The following CRYBG3 variants were observed in gnomAD, a reference collection of about 807,000 sequenced individuals.
The protein encoded by CRYBG3 is very large A-kinase anchor protein.
A neutral mutation model predicts 244.2 loss-of-function variants in CRYBG3; 127 were observed. That is an observed-to-expected ratio of 0.52 (90% CI 0.45 to 0.60). The LOEUF (loss-of-function observed/expected upper bound fraction) is 0.60. CRYBG3 is among the 20% of genes least tolerant of loss of function. CRYBG3 has a pLI of 0.00. For missense variants in CRYBG3, 3,325 were observed against 3,442.5 expected, an observed-to-expected ratio of 0.97 and a Z score of 0.85; for synonymous variants, 1,132 against 1,195.8, an observed-to-expected ratio of 0.95 and a Z score of 1.10.
rs1466203631 is a variant in CRYBG3 at position 97,941,257 on chromosome 3, GAAAGAATACTC to G, written c.8617_8627del (p.Lys2873AspfsTer10). The G allele has an allele frequency of 6.2e-7, 1 of 1,611,354 alleles. No homozygotes were observed. Among genetic ancestry groups the G allele is most frequent in the East Asian group, 2.2e-5 (1 of 44,806 alleles). ...TCTGTGTGCATTTCTCCCTATAGTG[GAAAGAATACTC>G]AGATCTGGTACTACTGCCGAGGACT... On this transcript the variant is annotated frameshift_variant, in exon 20 of 22. Coordinates refer to ENST00000389622, the MANE Select transcript of CRYBG3 (RefSeq NM_153605.4). LOFTEE classifies it high-confidence loss of function.
intron 19 of CRYBG3, among the ~76,000 whole-genome samples, chr3:97,938,412 G>A (rs1350484196): frequency 6.6e-6 from 1 of 151,998 alleles, no homozygotes; most frequent in Non-Finnish European, 1.5e-5. Context: ...ATAGCCTAGT[G>A]GATCTAAATG....
At chr3:97,896,968 G>A (rs1026698621) in intron 12 of CRYBG3, among the ~76,000 whole-genome samples, 2 of 151,984 alleles carry the variant, frequency 1.3e-5, no homozygotes, top group Admixed American at 1.3e-4. Context: ...GCCATATTGA[G>A]TAGTTATTTT....
At chr3:97,900,759 C>T (rs549065654) in intron 15 of CRYBG3, among the ~76,000 whole-genome samples, 23 of 152,266 alleles carry the variant, frequency 1.5e-4, no homozygotes, top group African/African-American at 5.5e-4. Flanking sequence ...CTCTTTCTTT[C>T]CCATCGTCCA....
At chr3:97,852,665 C>G (rs2039003290) in intron 2 of CRYBG3, among the ~76,000 whole-genome samples, 1 of 152,146 alleles carries the variant, frequency 6.6e-6, no homozygotes, top group African/African-American at 2.4e-5. Context: ...CTTTGACATA[C>G]TGATTTCCTT....
intron 2 of CRYBG3, among the ~76,000 whole-genome samples, chr3:97,858,844 A>C (rs369323813): frequency 7.3e-4 from 111 of 151,850 alleles, no homozygotes; most frequent in African/African-American, 2.4e-3. Flanking sequence ...GTTACTGGAG[A>C]ATTACTGTAT....
At position 97,871,988 on chromosome 3, in the gene CRYBG3, C is replaced by G. The variant is rs544886176; in HGVS notation, c.794C>G (p.Thr265Arg). Residue 265 changes from threonine (T) to arginine (R), a missense_variant, in exon 4 of 22, where the codon ACA becomes AGA. Thr to Arg is a moderately conservative substitution (Grantham distance 71). This residue lies in a region of CRYBG3 where 1,526 missense variants were observed against 1,443.2 expected (regional missense o/e 1.06). Transcript: ENST00000389622. ...DRENESSDSS[T>R]NRHIDPGSEI... ...GAAAATGAAAGTTCTGACTCTAGTA[C>G]AAACAGACACATTGACCCTGGAAGT... The G allele has an allele frequency of 4.6e-6, 7 of 1,535,828 alleles. No homozygotes were observed. In the East Asian group the frequency reaches 1.5e-4, roughly 32 times the overall value.
Position 97,943,546 on chromosome 3 carries a change from G to C in CRYBG3, c.*232G>C. 1 of 457,614 alleles carries C rather than the reference G, an allele frequency of 2.2e-6. No individual in the cohort carries two copies. The highest frequency in any genetic ancestry group is 3.8e-6 in the Non-Finnish European group (1 of 261,802). 28.3% of individuals were successfully genotyped at this position (457,614 alleles called of 1,614,324 possible). On this transcript the variant is annotated 3_prime_UTR_variant, in exon 22 of 22. Coordinates refer to ENST00000389622, the MANE Select transcript of CRYBG3 (RefSeq NM_153605.4). ...GAAAATATTATGATATCTTGGAAAG[G>C]TTCTATTCCTGATCTCCAGCTGTGG...
At chr3:97,923,103 C>T (rs913537546) in intron 17 of CRYBG3, among the ~76,000 whole-genome samples, 2 of 152,106 alleles carry the variant, frequency 1.3e-5, no homozygotes, top group Non-Finnish European at 2.9e-5. Flanking sequence ...GAACCAAACA[C>T]CACATGTTCT....
At chr3:97,835,539 G>A (rs969012403) in intron 1 of CRYBG3, among the ~76,000 whole-genome samples, 3 of 152,096 alleles carry the variant, frequency 2.0e-5, no homozygotes, top group African/African-American at 7.2e-5. Context: ...GGAGGAGTGG[G>A]TGTTAGTAAC....
intron 3 of CRYBG3, among the ~76,000 whole-genome samples, chr3:97,868,081 A>G (rs1388984886): frequency 3.9e-5 from 6 of 152,116 alleles, no homozygotes; most frequent in Non-Finnish European, 8.8e-5. Flanking sequence ...CAGGAGATCG[A>G]GACCATCCTG....
chr3:97,917,456 A>G (rs2039940328), intron 17 of CRYBG3, among the ~76,000 whole-genome samples: 1 of 152,130 alleles, frequency 6.6e-6, no homozygotes, highest in South Asian at 2.1e-4. Flanking sequence ...CATTCATAAT[A>G]TACTGAAAAT....
chr3:97,910,269 G>A (rs1332635080), intron 15 of CRYBG3, among the ~76,000 whole-genome samples: 1 of 151,402 alleles, frequency 6.6e-6, no homozygotes, highest in East Asian at 2.0e-4. Flanking sequence ...GCTGTGGTGG[G>A]CTCCACCCAG....
rs1330919804 is a variant in CRYBG3, at chr3:97,941,340, C to A, written c.8664+34C>A. 4.7e-6 allele frequency: 7 copies of A among 1,497,622 alleles called. No homozygotes were observed. In the African/African-American group the frequency reaches 5.6e-5, roughly 12 times the overall value. 92.8% of individuals were successfully genotyped at this position (1,497,622 alleles called of 1,614,324 possible). A position where few individuals can be genotyped will look rare whatever the true frequency, so the allele number is the denominator to read the frequency against. On this transcript the variant is annotated intron_variant, in intron 20 of 21. Transcript: ENST00000389622. ...TCCCACTGATACAGTATGCCACTTT[C>A]TGGTCTGTTTTTTATTTTGAAAACT...
chr3:97,898,759 A>G (rs2039667891), intron 12 of CRYBG3, 124 bp from the exon 13 acceptor site: 5 of 622,948 alleles, frequency 8.0e-6, no homozygotes, highest in Admixed American at 3.7e-5. Context: ...AGGGCCATCT[A>G]AAATTCTTCC....
At chr3:97,847,883 A>G (rs2038926128) in intron 2 of CRYBG3, among the ~76,000 whole-genome samples, 1 of 152,224 alleles carries the variant, frequency 6.6e-6, no homozygotes, top group South Asian at 2.1e-4. Flanking sequence ...CTTACTGCAT[A>G]TCAATATCAG....
In CRYBG3 at chr3:97,881,047, C is replaced by A. The variant is rs370865987; in HGVS notation, c.7005-25C>A. ...ATTTCTTAGAAAATTAAATATAACTCATCATTGCATTTCTCTTTGTTTAGC... is the reference window on the plus strand; with the variant it reads ...ATTTCTTAGAAAATTAAATATAACTAATCATTGCATTTCTCTTTGTTTAGC... On this transcript the variant is annotated intron_variant, in intron 6 of 21. Transcript: ENST00000389622. 142 of 1,540,998 alleles carry A rather than the reference C, an allele frequency of 9.2e-5. No homozygotes were observed. The African/African-American group carries it at 1.8e-3, about 19-fold the overall frequency.
chr3:97,915,473 T>C, intron 16 of CRYBG3, 137 bp from the exon 17 acceptor site: 2 of 783,620 alleles, frequency 2.6e-6, no homozygotes, highest in Non-Finnish European at 3.8e-6. Flanking sequence ...GTGTTTTTTG[T>C]TTTTTTAAAG....
chr3:97,915,436 A>G (rs920708100), intron 16 of CRYBG3, among the ~76,000 whole-genome samples, 174 bp from the exon 17 acceptor site: 2 of 152,182 alleles, frequency 1.3e-5, no homozygotes, highest in Non-Finnish European at 2.9e-5. Context: ...CATCATAAGC[A>G]GTTGAGGAAT....
Position 97,864,274 on chromosome 3 carries a change from C to A in CRYBG3, c.274C>A (p.Gln92Lys). The change falls in exon 3 of 22, where the codon CAG becomes AAG. Residue 92 changes from glutamine to lysine, a missense_variant. Transcript: ENST00000389622. ...HAEKPVTLPV[Q>K]EDPKKAYDLS... ...TGAGAAGCCAGTCACTCTTCCAGTG[C>A]AGGAAGATCCCAAAAAGGCATATGA... is the stretch of plus-strand genomic sequence containing the variant. 6.5e-7 allele frequency: 1 copy of A among 1,534,548 alleles called. No homozygotes were observed. Among genetic ancestry groups the A allele is most frequent in the Non-Finnish European group, 8.7e-7 (1 of 1,146,382 alleles).
Sources: allele counts gnomAD v4.1 joint callset (sites outside exome capture counted in the v4.1 genomes callset), GRCh38; gene constraint gnomAD v4.1.1; regional missense constraint gnomAD v4.1.1; transcripts MANE v1.5; gene names NCBI Gene and HGNC (gene_info 2026-07-23, HGNC 2026-07-21).